Variants in EXOC6B observed in about 807,000 individuals in gnomAD.
EXOC6B encodes the protein SEC15 homolog B.
EXOC6B carries 54 observed loss-of-function variants against 113.5 expected under a neutral mutation model. The observed-to-expected ratio is 0.48, with a 90% CI of 0.38 to 0.60. The LOEUF is 0.60. Ranked by LOEUF, EXOC6B falls within the 20% of genes least tolerant of loss-of-function variation. The pLI is 0.00. For missense variants in EXOC6B, 797 were observed against 977.5 expected (o/e 0.82, Z 2.46); for synonymous variants, 357 against 339.0 (o/e 1.05, Z -0.58).
chr2:72,443,379 G>T (rs777918596), intron 18 of EXOC6B, among the ~76,000 whole-genome samples: 70 of 149,464 alleles, frequency 4.7e-4, no homozygotes, highest in Admixed American at 1.9e-3. Flanking sequence ...ACAGAACAGA[G>T]AACCCAGAAA....
At chr2:72,289,684 C>T (rs985927361) in intron 20 of EXOC6B, among the ~76,000 whole-genome samples, 3 of 152,148 alleles carry the variant, frequency 2.0e-5, no homozygotes, top group African/African-American at 7.2e-5. Context: ...TTCTGGGTGT[C>T]TCTGTGAGGG....
At chr2:72,246,555 T>C (rs531369024) in intron 20 of EXOC6B, among the ~76,000 whole-genome samples, 2 of 149,236 alleles carry the variant, frequency 1.3e-5, no homozygotes, top group Middle Eastern at 3.5e-3. Flanking sequence ...TTGCCCAGCC[T>C]GGAGTGCAGT....
intron 7 of EXOC6B, among the ~76,000 whole-genome samples, chr2:72,566,410 T>A (rs1476201602): frequency 6.6e-6 from 1 of 152,154 alleles, no homozygotes; most frequent in Admixed American, 6.5e-5. Flanking sequence ...TATACCACAG[T>A]TCATTTATCC....
At chr2:72,544,382 T>C (rs529077710) in intron 8 of EXOC6B, among the ~76,000 whole-genome samples, 107 of 152,250 alleles carry the variant, frequency 7.0e-4, no homozygotes, top group African/African-American at 2.2e-3. Context: ...AAAACGTATA[T>C]GTTTCAAATA....
rs566858174 is a variant in EXOC6B at position 72,801,235 on chromosome 2, T to C, written c.113+24563A>G. ...TTAGCATCCCTGCTCTATCAATAAC[T>C]GTACCTTGTCCTTTTAAATTTCTAT... On this transcript the variant is annotated intron_variant, in intron 1 of 21. Coordinates refer to ENST00000272427, the MANE Select transcript of EXOC6B (RefSeq NM_015189.3). Among the ~76,000 whole-genome samples, 3 of 152,332 alleles carry C rather than the reference T, an allele frequency of 2.0e-5. No homozygotes were observed. The South Asian group carries it at 6.2e-4, about 32-fold the overall frequency.
Position 72,773,120 on chromosome 2 carries a change from C to CTTTTTTTTTTTT in EXOC6B, c.114-31663_114-31652dup, listed in dbSNP as rs1254377634. On this transcript the variant is annotated intron_variant, in intron 1 of 21. Transcript: ENST00000272427. ...GCTAAGACAGTAGACCTTAGATTTT[C>CTTTTTTTTTTTT]TTTTTTTTTTTTTTTTTTTTTTGTG... Among the ~76,000 whole-genome samples the CTTTTTTTTTTTT allele has an allele frequency of 5.3e-4, 50 of 94,894 alleles. 6 individuals are homozygous for CTTTTTTTTTTTT. The highest frequency in any genetic ancestry group is 2.1e-3 in the African/African-American group (45 of 21,326). 62.3% of individuals were successfully genotyped at this position (94,894 alleles called of 152,430 possible). A position where few individuals can be genotyped will look rare whatever the true frequency, so the allele number is the denominator to read the frequency against.
At chr2:72,399,406 G>T (rs977260578) in intron 18 of EXOC6B, among the ~76,000 whole-genome samples, 5 of 152,118 alleles carry the variant, frequency 3.3e-5, no homozygotes, top group African/African-American at 1.2e-4. Flanking sequence ...GTCTTAACTA[G>T]AGTAACCAGG....
intron 18 of EXOC6B, among the ~76,000 whole-genome samples, chr2:72,441,247 G>T (rs921148780): frequency 2.0e-5 from 3 of 152,184 alleles, no homozygotes; most frequent in Non-Finnish European, 4.4e-5. Context: ...CTAAGGCAGT[G>T]TTAGGTGGGA....
In EXOC6B at chr2:72,647,093, G is replaced by A. The variant is rs61963035; in HGVS notation, c.669+71010C>T. Among the ~76,000 whole-genome samples the A allele has an allele frequency of 1.4e-4, 22 of 152,204 alleles. 2 individuals are homozygous for A. Among genetic ancestry groups the A allele is most frequent in the African/African-American group, 4.6e-4 (19 of 41,536 alleles). On this transcript the variant is annotated intron_variant, in intron 6 of 21. Transcript: ENST00000272427. ...ATAAGCAACTTCAGCAAAGTCTCAG[G>A]ATACAAAATCAATGTGCAAAAATCA...
At chr2:72,808,276 A>G (rs1685688893) in intron 1 of EXOC6B, among the ~76,000 whole-genome samples, 1 of 152,246 alleles carries the variant, frequency 6.6e-6, no homozygotes, top group Non-Finnish European at 1.5e-5. Context: ...ACAGTCTGAT[A>G]TGATACTAAT....
intron 18 of EXOC6B, chr2:72,463,187 A>G (rs1450133724): frequency 6.6e-6 from 1 of 152,120 alleles, no homozygotes; most frequent in Admixed American, 6.6e-5. Context: ...TGACTTGCTA[A>G]AATTTTATTT....
intron 20 of EXOC6B, among the ~76,000 whole-genome samples, chr2:72,211,798 A>G (rs1248116765): frequency 1.3e-5 from 2 of 152,198 alleles, no homozygotes; most frequent in Non-Finnish European, 1.5e-5. Flanking sequence ...CTTAGAAACT[A>G]TATGAAGGAT....
intron 19 of EXOC6B, among the ~76,000 whole-genome samples, chr2:72,356,048 G>A (rs1229715351): frequency 2.6e-5 from 4 of 152,116 alleles, no homozygotes; most frequent in Non-Finnish European, 5.9e-5. Flanking sequence ...TAATTGAAAA[G>A]GAAGTACATT....
chr2:72,357,915 A>G (rs1490359041), intron 19 of EXOC6B, among the ~76,000 whole-genome samples: 1 of 152,120 alleles, frequency 6.6e-6, no homozygotes, highest in Non-Finnish European at 1.5e-5. Context: ...TTGTATAAGT[A>G]CATTCTATGA....
At chr2:72,407,513 A>G (rs1046302933) in intron 18 of EXOC6B, among the ~76,000 whole-genome samples, 15 of 152,274 alleles carry the variant, frequency 9.9e-5, no homozygotes, top group African/African-American at 3.4e-4. Context: ...AAACTTATAC[A>G]CCACGATCAA....
chr2:72,718,366 G>T, intron 5 of EXOC6B, 59 bp from the exon 6 acceptor site: 2 of 1,454,440 alleles, frequency 1.4e-6, no homozygotes, highest in Non-Finnish European at 1.9e-6. Flanking sequence ...TAGGCAAAAT[G>T]TCTAGCCTGA....
At chr2:72,493,391 AG>A (rs1355059652) in intron 15 of EXOC6B, among the ~76,000 whole-genome samples, 1 of 148,882 alleles carries the variant, frequency 6.7e-6, no homozygotes, top group African/African-American at 2.6e-5. Context: ...AGACAGAAAC[AG>A]AAGTATTTTG....
chr2:72,360,948 A>AAT (rs1359485655), intron 19 of EXOC6B, among the ~76,000 whole-genome samples: 1 of 151,494 alleles, frequency 6.6e-6, no homozygotes, highest in African/African-American at 2.4e-5. Flanking sequence ...AAAAAAAAAA[A>AAT]AAATTATGGA....
intron 20 of EXOC6B, among the ~76,000 whole-genome samples, chr2:72,189,480 C>T (rs1375195097): frequency 6.6e-6 from 1 of 152,188 alleles, no homozygotes; most frequent in African/African-American, 2.4e-5. Flanking sequence ...TTTCTTCCAA[C>T]ATCTGGTTAT....
Sources: gnomAD v4.1 joint callset for allele counts (sites outside exome capture counted in the v4.1 genomes callset) on GRCh38, gnomAD v4.1.1 for gene constraint, MANE v1.5 for transcripts, NCBI Gene and HGNC (gene_info 2026-07-23, HGNC 2026-07-21) for gene names.